IDH3A: variants seen among roughly 807,000 people sequenced by gnomAD.
The protein encoded by IDH3A is isocitrate dehydrogenase (NAD(+)) 3 catalytic subunit alpha.
IDH3A carries 23 observed loss-of-function variants against 43.3 expected under a neutral mutation model. The ratio of observed to expected loss-of-function variants is 0.53; its 90% confidence interval spans 0.38 to 0.75. The LOEUF (loss-of-function observed/expected upper bound fraction) is 0.75, where lower values mean the gene tolerates loss of function less well. Among genes scored for constraint, IDH3A ranks in the 30% least tolerant of loss-of-function variants. The pLI is 0.00. For missense variants in IDH3A, 329 were observed against 474.4 expected (o/e 0.69, Z 2.85); for synonymous variants, 154 against 163.5 (o/e 0.94, Z 0.44).
rs1216555555 is a variant in IDH3A, at chr15:78,169,253, ACT to A, written c.*251_*252del. 6.4e-6 allele frequency: 2 copies of A among 311,714 alleles called. No homozygotes were observed. Among genetic ancestry groups the A allele is most frequent in the East Asian group, 5.1e-5 (1 of 19,612 alleles). 19.3% of individuals were successfully genotyped at this position (311,714 alleles called of 1,614,324 possible). On this transcript the variant is annotated 3_prime_UTR_variant, in exon 11 of 11. Coordinates refer to ENST00000299518, the MANE Select transcript of IDH3A (RefSeq NM_005530.3). ...TACCTGGTAAATGTTTTTTTTGTAA[ACT>A]CTGAGTGGACTGTATCATTTGCTAT...
In IDH3A at chr15:78,169,339, A is replaced by G. The variant is rs2074790843; in HGVS notation, c.*334A>G. The G allele has an allele frequency of 5.7e-6, 1 of 174,198 alleles. No homozygotes were observed. 10.8% of individuals were successfully genotyped at this position (174,198 alleles called of 1,614,324 possible). ...TCTCTTCAGCTGTAAATAACAGGAT[A>G]CAGAATTAACAAGAGAAAATGTCTA... On this transcript the variant is annotated 3_prime_UTR_variant, in exon 11 of 11. Coordinates refer to ENST00000299518, the MANE Select transcript of IDH3A (RefSeq NM_005530.3).
intron 3 of IDH3A, among the ~76,000 whole-genome samples, chr15:78,158,030 A>G (rs2074640989): frequency 6.6e-6 from 1 of 152,164 alleles, no homozygotes; most frequent in South Asian, 2.1e-4. Flanking sequence ...TAATCAAAGT[A>G]GTACTGCAGT....
At chr15:78,163,849 C>G in intron 8 of IDH3A, 69 bp downstream of exon 8, 1 of 990,662 alleles carries the variant, frequency 1.0e-6, no homozygotes, top group East Asian at 2.4e-5. Context: ...ATAATTATGG[C>G]TTAACATTTT....
At chr15:78,164,916 TA>T in intron 8 of IDH3A, 75 bp from the exon 9 acceptor site, 1 of 1,172,330 alleles carries the variant, frequency 8.5e-7, no homozygotes, top group Non-Finnish European at 1.3e-6. Context: ...GAATGATAAT[TA>T]AAAACTAAAA....
rs765107167 is a variant in IDH3A at position 78,166,145 on chromosome 15, T to C, written c.865-5T>C. ...CTTGATGATGCTACTTTTCCCGATG[T>C]GTAGGTTCATGGGACGGCTCCAGAC... On this transcript the variant is annotated splice_region_variant and splice_polypyrimidine_tract_variant and intron_variant, in intron 9 of 10. Transcript: ENST00000299518. The C allele has an allele frequency of 1.9e-6, 3 of 1,613,252 alleles. No homozygotes were observed. The highest frequency in any genetic ancestry group is 1.1e-5 in the South Asian group (1 of 91,082).
rs191702284 is a variant in IDH3A at position 78,152,340 on chromosome 15, G to A, written c.28-2873G>A. 6.1e-3 allele frequency among the ~76,000 whole-genome samples: 903 copies of A among 147,604 alleles called. 10 individuals are homozygous for A. The highest frequency in any genetic ancestry group is 0.022 in the African/African-American group (871 of 39,686). On this transcript the variant is annotated intron_variant, in intron 1 of 10. Coordinates refer to ENST00000299518, the MANE Select transcript of IDH3A (RefSeq NM_005530.3). ...CCCAAAGTGCTGGGATTACAAGCGT[G>A]AGGCACTGCGCCCGGCCTTTTTTTT...
At chr15:78,164,015 C>G (rs1257610476) in intron 8 of IDH3A, among the ~76,000 whole-genome samples, 1 of 152,106 alleles carries the variant, frequency 6.6e-6, no homozygotes, top group Admixed American at 6.6e-5. Context: ...ATTATTAGGT[C>G]ACTCTTCCCA....
intron 5 of IDH3A, 140 bp from the exon 6 acceptor site, chr15:78,162,094 C>T (rs888729193): frequency 3.7e-6 from 3 of 808,078 alleles, no homozygotes; most frequent in East Asian, 2.6e-5. Context: ...ACCCCATTGT[C>T]GTAGCAGTGT....
At chr15:78,155,521 T>C (rs1451102611) in intron 2 of IDH3A, 1 of 312,012 alleles carries the variant, frequency 3.2e-6, no homozygotes, top group African/African-American at 2.2e-5. Flanking sequence ...GGGAGCCTTG[T>C]TAAAAATAGA....
At chr15:78,149,577 T>A in intron 1 of IDH3A, 147 bp downstream of exon 1, 1 of 640,536 alleles carries the variant, frequency 1.6e-6, no homozygotes, top group Non-Finnish European at 2.4e-6. Flanking sequence ...CCGGTCCTGG[T>A]CGCCCGTGCC....
intron 3 of IDH3A, 59 bp from the exon 4 acceptor site, chr15:78,160,033 T>C: frequency 2.0e-6 from 2 of 1,021,226 alleles, no homozygotes; most frequent in African/African-American, 1.6e-5. Flanking sequence ...CATTGCAGTA[T>C]GAATGCCAGT....
intron 2 of IDH3A, 97 bp from the exon 3 acceptor site, chr15:78,157,451 A>G: frequency 1.2e-6 from 1 of 829,360 alleles, no homozygotes; most frequent in South Asian, 1.7e-5. Flanking sequence ...TCTTCCTGAG[A>G]CATCTCATAA....
At position 78,161,784 on chromosome 15, in the gene IDH3A, A is replaced by AT; in HGVS notation, c.477+18dup. 2.5e-6 allele frequency: 4 copies of AT among 1,603,124 alleles called. No homozygotes were observed. The African/African-American group carries it at 5.3e-5, about 21-fold the overall frequency. ...TGAGCATGTGGTATGTTCACTCCAG[A>AT]TTCTTTTTTATTCCTGCTTGGACTG... On this transcript the variant is annotated intron_variant, in intron 5 of 10. Transcript: ENST00000299518. The surrounding 1 kb of genome is among the most constrained non-coding windows in gnomAD (Gnocchi z 4.8).
rs1221128843 is a variant in IDH3A, at chr15:78,161,214, A to G, written c.290-367A>G. Among the ~76,000 whole-genome samples, 1 of 152,234 alleles carries G rather than the reference A, an allele frequency of 6.6e-6. No individual in the cohort carries two copies. The highest frequency in any genetic ancestry group is 2.4e-5 in the African/African-American group (1 of 41,462). On this transcript the variant is annotated intron_variant, in intron 4 of 10. Coordinates refer to ENST00000299518, the MANE Select transcript of IDH3A (RefSeq NM_005530.3). The surrounding 1 kb of genome is among the most constrained non-coding windows in gnomAD (Gnocchi z 4.8). The stretch of plus-strand genomic sequence containing the variant: ...GGCTTTAAAGCCACAGACAGAACCA[A>G]CATTGAATCTCATCTCTGCTACTTA...
intron 2 of IDH3A, 200 bp downstream of exon 2, chr15:78,155,475 A>G (rs923532469): frequency 1.8e-5 from 8 of 439,018 alleles, no homozygotes; most frequent in Non-Finnish European, 3.3e-5. Flanking sequence ...ATTATCTTAC[A>G]GCTGGCTATG....
intron 10 of IDH3A, chr15:78,167,322 G>C (rs934984443): frequency 2.0e-5 from 3 of 152,156 alleles, no homozygotes; most frequent in Non-Finnish European, 2.9e-5. Flanking sequence ...AGGTTTTACA[G>C]CTCCTAAATG....
chr15:78,158,736 G>A (rs1419337621), intron 3 of IDH3A, among the ~76,000 whole-genome samples: 1 of 149,086 alleles, frequency 6.7e-6, no homozygotes, highest in Non-Finnish European at 1.5e-5. Flanking sequence ...CTTGGCCTCT[G>A]CACCGGGCCT....
Position 78,170,335 on chromosome 15 carries a change from C to A in IDH3A, c.*1330C>A, listed in dbSNP as rs1371364074. 6.6e-6 allele frequency: 1 copy of A among 151,976 alleles called. No individual in the cohort carries two copies. The highest frequency in any genetic ancestry group is 1.5e-5 in the Non-Finnish European group (1 of 67,988). 9.4% of individuals were successfully genotyped at this position (151,976 alleles called of 1,614,324 possible). On this transcript the variant is annotated 3_prime_UTR_variant, in exon 11 of 11. Coordinates refer to ENST00000299518, the MANE Select transcript of IDH3A (RefSeq NM_005530.3). The stretch of plus-strand genomic sequence containing the variant: ...GTAACATTGCAAACCTGTGGCTTTG[C>A]AAAATGTACCCAGGTCACAAGGGGA...
chr15:78,169,006 C>T lies in IDH3A; in HGVS notation c.*1C>T, dbSNP rs748785130. ...TCGCCGAGTAAAAGATTTAGATTAA[C>T]ACTTCTACAACTGGCATTTACATCA... On this transcript the variant is annotated 3_prime_UTR_variant, in exon 11 of 11. Transcript: ENST00000299518. The T allele has an allele frequency of 1.3e-6, 2 of 1,584,244 alleles. No individual in the cohort carries two copies. The highest frequency in any genetic ancestry group is 2.2e-5 in the East Asian group (1 of 44,478).
Sources: allele counts gnomAD v4.1 joint callset (sites outside exome capture counted in the v4.1 genomes callset), GRCh38; gene constraint gnomAD v4.1.1; non-coding constraint Gnocchi (gnomAD v3.1); transcripts MANE v1.5; gene names NCBI Gene and HGNC (gene_info 2026-07-23, HGNC 2026-07-21).